Variants in DNAH11 observed in about 807,000 individuals in gnomAD.
DNAH11 encodes the protein axonemal beta dynein heavy chain 11.
DNAH11 carries 442 observed loss-of-function variants against 526.0 expected under a neutral mutation model. The ratio of observed to expected loss-of-function variants is 0.84; its 90% CI spans 0.78 to 0.91. The LOEUF (loss-of-function observed/expected upper bound fraction) is 0.91. Ranked by LOEUF, DNAH11 falls within the 40% of genes least tolerant of loss-of-function variation. DNAH11 has a pLI of 0.00. For synonymous variants in DNAH11, 2,461 were observed against 1,935.9 expected, an observed-to-expected ratio of 1.27 and a Z score of -7.12; for missense variants, 6,989 against 5,448.7, an observed-to-expected ratio of 1.28 and a Z score of -8.90.
intron 66 of DNAH11, among the ~76,000 whole-genome samples, chr7:21,848,203 A>G (rs1261463542): frequency 6.7e-6 from 1 of 149,558 alleles, no homozygotes; most frequent in African/African-American, 2.5e-5. Context: ...GCTTTCAGGG[A>G]GAGTAGACCC....
chr7:21,772,500 T>G (rs1787483799), intron 55 of DNAH11, among the ~76,000 whole-genome samples: 1 of 152,136 alleles, frequency 6.6e-6, no homozygotes. Context: ...TGTATTGAAG[T>G]CAAGCTCTTG....
intron 25 of DNAH11, among the ~76,000 whole-genome samples, chr7:21,634,900 G>C (rs1786783713): frequency 6.6e-6 from 1 of 152,172 alleles, no homozygotes; most frequent in Admixed American, 6.5e-5. Context: ...TGTGATAGAA[G>C]CGTTTCAGAC....
intron 76 of DNAH11, among the ~76,000 whole-genome samples, chr7:21,890,534 T>C (rs1382044321): frequency 6.6e-6 from 1 of 152,218 alleles, no homozygotes; most frequent in East Asian, 1.9e-4. Flanking sequence ...TTCTTTCAAT[T>C]TCCTAGTAAG....
At chr7:21,783,432 C>A (rs1486933454) in intron 57 of DNAH11, among the ~76,000 whole-genome samples, 1 of 152,150 alleles carries the variant, frequency 6.6e-6, no homozygotes, top group East Asian at 1.9e-4. Context: ...TAAACCTGTT[C>A]ATTTCAAATA....
intron 62 of DNAH11, among the ~76,000 whole-genome samples, chr7:21,803,368 G>A (rs555942110): frequency 2.8e-4 from 42 of 152,226 alleles, no homozygotes; most frequent in East Asian, 5.8e-4. Context: ...GCCTCTCCAC[G>A]CTCAGCAAGT....
At chr7:21,793,170 G>C (rs558082549) in intron 61 of DNAH11, among the ~76,000 whole-genome samples, 2 of 152,272 alleles carry the variant, frequency 1.3e-5, no homozygotes, top group African/African-American at 4.8e-5. Flanking sequence ...TGTTCGTATA[G>C]TTGCCAACTT....
Position 21,742,110 on chromosome 7 carries a change from A to G in DNAH11, c.8098A>G (p.Thr2700Ala), listed in dbSNP as rs376421903. 8.1e-6 allele frequency: 13 copies of G among 1,613,774 alleles called. No homozygotes were observed. Among genetic ancestry groups the G allele is most frequent in the African/African-American group, 1.3e-5 (1 of 74,914 alleles). ...HQTMMCNFLPTAIKFHYIFNL... is the reference protein window; with the variant it reads ...HQTMMCNFLPAAIKFHYIFNL... ...GACAATGATGTGTAACTTTTTACCCACGGCTATTAAATTCCACTACATCTT... is the reference window on the plus strand; with the variant it reads ...GACAATGATGTGTAACTTTTTACCCGCGGCTATTAAATTCCACTACATCTT... The change falls in exon 49 of 82, where the codon ACG (threonine) becomes GCG (alanine). Residue 2700 changes from threonine (T) to alanine (A), a missense_variant. By Grantham distance (58) the Thr-to-Ala change is moderately conservative. Coordinates refer to ENST00000409508, the MANE Select transcript of DNAH11 (RefSeq NM_001277115.2).
At chr7:21,561,014 G>C in intron 4 of DNAH11, 57 bp from the exon 5 acceptor site, 1 of 1,163,968 alleles carries the variant, frequency 8.6e-7, no homozygotes, top group Admixed American at 2.1e-5. Flanking sequence ...CAGAATGCAT[G>C]TATTTAGTAA....
chr7:21,547,759 A>G (rs1782859026), intron 2 of DNAH11, among the ~76,000 whole-genome samples: 1 of 152,144 alleles, frequency 6.6e-6, no homozygotes, highest in Non-Finnish European at 1.5e-5. Flanking sequence ...TTGAAAATTG[A>G]CCGTATAAAA....
At chr7:21,765,291 T>TG in intron 54 of DNAH11, 137 bp from the exon 55 acceptor site, 1 of 1,237,922 alleles carries the variant, frequency 8.1e-7, no homozygotes, top group Non-Finnish European at 1.1e-6. Flanking sequence ...TTAATGTTGC[T>TG]GTCCACTCTC....
At chr7:21,661,982 C>A (rs1562736853) in intron 30 of DNAH11, among the ~76,000 whole-genome samples, 1 of 151,956 alleles carries the variant, frequency 6.6e-6, no homozygotes, top group South Asian at 2.1e-4. Context: ...TTATGCCCAG[C>A]TAATTTTTGT....
chr7:21,607,505 T>G (rs2128449294), intron 20 of DNAH11, among the ~76,000 whole-genome samples: 1 of 152,304 alleles, frequency 6.6e-6, no homozygotes, highest in African/African-American at 2.4e-5. Flanking sequence ...CGAGAGACAG[T>G]AACAACTACT....
At chr7:21,878,425 T>A (rs1334045875) in intron 74 of DNAH11, among the ~76,000 whole-genome samples, 3 of 152,252 alleles carry the variant, frequency 2.0e-5, no homozygotes, top group Non-Finnish European at 4.4e-5. Flanking sequence ...AATTCCAAAG[T>A]GAAATTTTGA....
chr7:21,665,688 A>G (rs565063159), intron 30 of DNAH11, among the ~76,000 whole-genome samples: 1 of 152,136 alleles, frequency 6.6e-6, no homozygotes, highest in Non-Finnish European at 1.5e-5. Context: ...TTCTTTTTTC[A>G]TGTTGGATGA....
chr7:21,872,063 G>A (rs1016500880), intron 73 of DNAH11, among the ~76,000 whole-genome samples: 1 of 134,058 alleles, frequency 7.5e-6, no homozygotes, highest in Non-Finnish European at 1.6e-5. Flanking sequence ...GACGGAGTTT[G>A]CAGTGAGCCA....
At chr7:21,787,836 A>G (rs924869970) in intron 60 of DNAH11, among the ~76,000 whole-genome samples, 11 of 152,228 alleles carry the variant, frequency 7.2e-5, no homozygotes, top group African/African-American at 1.9e-4. Flanking sequence ...TAATTAGATG[A>G]AAACTTTTAT....
chr7:21,721,743 C>T (rs560663928), intron 44 of DNAH11, among the ~76,000 whole-genome samples: 1 of 152,224 alleles, frequency 6.6e-6, no homozygotes, highest in Non-Finnish European at 1.5e-5. Context: ...TGGGGTAGGG[C>T]TTCAAAATAT....
chr7:21,702,619 T>C, intron 36 of DNAH11, 91 bp from the exon 37 acceptor site: 1 of 992,646 alleles, frequency 1.0e-6, no homozygotes, highest in South Asian at 1.4e-5. Flanking sequence ...TTATCTGAAC[T>C]CCTTCTTAAA....
intron 2 of DNAH11, among the ~76,000 whole-genome samples, chr7:21,547,356 A>G (rs1451363201): frequency 1.3e-5 from 2 of 152,128 alleles, no homozygotes; most frequent in Non-Finnish European, 2.9e-5. Context: ...CAAAGGATGG[A>G]CTCGGAGACA....
Sources: gnomAD v4.1 joint callset for allele counts (sites outside exome capture counted in the v4.1 genomes callset) on GRCh38, gnomAD v4.1.1 for gene constraint, MANE v1.5 for transcripts, NCBI Gene and HGNC (gene_info 2026-07-23, HGNC 2026-07-21) for gene names.